The following ATP11A variants were observed in gnomAD, a reference collection of about 807,000 sequenced individuals.
The protein encoded by ATP11A is ATPase phospholipid transporting 11A, also known as phospholipid-transporting ATPase IH.
Under a neutral mutation model 154.4 loss-of-function variants are expected in ATP11A, and 81 were observed. The observed-to-expected ratio is 0.52, with a 90% CI of 0.44 to 0.63. The LOEUF is 0.63. Ranked by LOEUF, ATP11A falls within the 30% of genes least tolerant of loss-of-function variation. The pLI, the probability that ATP11A is intolerant of heterozygous loss-of-function variation, is 0.00. For missense variants in ATP11A, 1,316 were observed against 1,474.3 expected, an observed-to-expected ratio of 0.89 and a Z score of 1.76; for synonymous variants, 623 against 585.9, an observed-to-expected ratio of 1.06 and a Z score of -0.91.
Position 112,734,912 on chromosome 13 carries a change from G to A in ATP11A, c.39+44457G>A, listed in dbSNP as rs543215138. Among the ~76,000 whole-genome samples the A allele has an allele frequency of 4.1e-4, 62 of 152,298 alleles. 1 individual carries two copies. Among genetic ancestry groups the A allele is most frequent in the Admixed American group, 1.4e-3 (22 of 15,294 alleles). On this transcript the variant is annotated intron_variant, in intron 1 of 29. Coordinates refer to ENST00000375645, the MANE Select transcript of ATP11A (RefSeq NM_015205.3). ...TGTCAGCGGTAGGACCATGAATACC[G>A]ACTGGTGAGGGGGAGTGCCAGGAGA... is the stretch of plus-strand genomic sequence containing the variant.
rs2140459658 is a variant in ATP11A, at chr13:112,883,470, A to C, written c.*1604A>C. The C allele has an allele frequency of 2.8e-6, 1 of 351,018 alleles. No individual in the cohort carries two copies. Among genetic ancestry groups the C allele is most frequent in the Non-Finnish European group, 5.1e-6 (1 of 196,566 alleles). 21.7% of individuals were successfully genotyped at this position (351,018 alleles called of 1,614,324 possible). A position where few individuals can be genotyped will look rare whatever the true frequency, so the allele number is the denominator to read the frequency against. Reference sequence around the variant, plus strand: ...CCACGCTGTGGAACGGGGCTCCGGCAAGTGAAACCCAGAGGGTGTTTCCGA... The same window carrying C: ...CCACGCTGTGGAACGGGGCTCCGGCCAGTGAAACCCAGAGGGTGTTTCCGA... On this transcript the variant is annotated 3_prime_UTR_variant, in exon 30 of 30. Transcript: ENST00000375645.
intron 17 of ATP11A, among the ~76,000 whole-genome samples, chr13:112,849,433 C>T (rs746958205): frequency 1.2e-4 from 18 of 152,170 alleles, no homozygotes; most frequent in Admixed American, 1.0e-3. Context: ...TTAAAAGCAG[C>T]GACATATTTA....
At chr13:112,724,540 A>T (rs891045121) in intron 1 of ATP11A, among the ~76,000 whole-genome samples, 1 of 152,016 alleles carries the variant, frequency 6.6e-6, no homozygotes, top group Non-Finnish European at 1.5e-5. Flanking sequence ...TCGTGCATCC[A>T]GAGTTTCATC....
At chr13:112,880,737 T>C in intron 29 of ATP11A, 1 of 1,178,076 alleles carries the variant, frequency 8.5e-7, no homozygotes, top group South Asian at 1.6e-5. Context: ...GTGCTGTCTT[T>C]GATAACAAAG....
Position 112,753,165 on chromosome 13 carries a change from C to T in ATP11A, c.40-31970C>T, listed in dbSNP as rs557333839. Among the ~76,000 whole-genome samples, 9 of 152,252 alleles carry T rather than the reference C, an allele frequency of 5.9e-5. No individual in the cohort carries two copies. Among genetic ancestry groups the T allele is most frequent in the East Asian group, 3.9e-4 (2 of 5,188 alleles). On this transcript the variant is annotated intron_variant, in intron 1 of 29. Coordinates refer to ENST00000375645, the MANE Select transcript of ATP11A (RefSeq NM_015205.3). This position sits in a 1 kb window ranked among gnomAD's most constrained non-coding sequence, Gnocchi z 4.1. ...CTGTCCCTCCGTCCCTTTGTACCTG[C>T]GTGTTATGTGGATGGCGTGCATGTG...
chr13:112,712,465 G>A (rs967332634), intron 1 of ATP11A, among the ~76,000 whole-genome samples: 12 of 152,178 alleles, frequency 7.9e-5, no homozygotes, highest in Admixed American at 5.2e-4. Context: ...CCACAGTGTG[G>A]CTGATAGTGA....
chr13:112,755,514 G>C (rs998750950), intron 1 of ATP11A, among the ~76,000 whole-genome samples: 1 of 152,214 alleles, frequency 6.6e-6, no homozygotes, highest in African/African-American at 2.4e-5. Context: ...ATTGACACAA[G>C]AAGAGCCTCC....
rs1889656489 is a variant in ATP11A at position 112,724,946 on chromosome 13, A to G, written c.39+34491A>G. Among the ~76,000 whole-genome samples the G allele has an allele frequency of 2.6e-5, 4 of 152,166 alleles. No individual in the cohort carries two copies. The South Asian group carries it at 8.3e-4, about 32-fold the overall frequency. On this transcript the variant is annotated intron_variant, in intron 1 of 29. Transcript: ENST00000375645. ...CTCTGCTCCAGCCACCCCTGCGGCC[A>G]TGCCTGTGGTCCCCTGTGTGGGCTG... is the stretch of plus-strand genomic sequence containing the variant.
chr13:112,857,319 C>A (rs562329844), intron 20 of ATP11A, among the ~76,000 whole-genome samples: 1 of 152,068 alleles, frequency 6.6e-6, no homozygotes, highest in South Asian at 2.1e-4. Context: ...TGATTTTGCA[C>A]GTTACAAATT....
chr13:112,755,273 A>T (rs1313269721), intron 1 of ATP11A, among the ~76,000 whole-genome samples: 6 of 152,146 alleles, frequency 3.9e-5, no homozygotes, highest in Non-Finnish European at 1.5e-5. Flanking sequence ...CACAGGTCAG[A>T]GGTCGCTGGG....
intron 14 of ATP11A, among the ~76,000 whole-genome samples, chr13:112,834,136 T>C (rs2140259990): frequency 6.6e-6 from 1 of 152,376 alleles, no homozygotes; most frequent in East Asian, 1.9e-4. Context: ...GCTGAAGGCC[T>C]GCGCTGGACC....
At chr13:112,878,730 T>G (rs1332212234) in intron 29 of ATP11A, among the ~76,000 whole-genome samples, 2 of 152,108 alleles carry the variant, frequency 1.3e-5, no homozygotes, top group East Asian at 1.9e-4. Context: ...TCACAAGGCC[T>G]CCTCCCTCAC....
intron 1 of ATP11A, among the ~76,000 whole-genome samples, chr13:112,779,253 G>A (rs970170320): frequency 2.7e-5 from 4 of 145,990 alleles, no homozygotes; most frequent in African/African-American, 1.0e-4. Flanking sequence ...GTAGCCGCTG[G>A]AGTGAGGAGT....
At chr13:112,701,082 C>T (rs545064698) in intron 1 of ATP11A, among the ~76,000 whole-genome samples, 4 of 152,272 alleles carry the variant, frequency 2.6e-5, no homozygotes, top group African/African-American at 9.6e-5. Context: ...GAGTGGCCGG[C>T]GGCCACCTGA....
At position 112,860,722 on chromosome 13, in the gene ATP11A, C is replaced by T. The variant is rs561932880; in HGVS notation, c.2855+308C>T. ...TACAAGCGTCTTCCTCGTTGTGACC[C>T]TAGGGAATCTGTGGCCTAAGTTATC... On this transcript the variant is annotated intron_variant, in intron 24 of 29. Coordinates refer to ENST00000375645, the MANE Select transcript of ATP11A (RefSeq NM_015205.3). 3.0e-5 allele frequency: 7 copies of T among 232,482 alleles called. No homozygotes were observed. In the South Asian group the frequency reaches 9.0e-4, roughly 30 times the overall value. 14.4% of individuals were successfully genotyped at this position (232,482 alleles called of 1,614,324 possible). A position where few individuals can be genotyped will look rare whatever the true frequency, so the allele number is the denominator to read the frequency against.
At chr13:112,852,457 G>A (rs1033274734) in intron 18 of ATP11A, among the ~76,000 whole-genome samples, 4 of 152,362 alleles carry the variant, frequency 2.6e-5, no homozygotes, top group African/African-American at 9.6e-5. Context: ...TCAGTCCAGA[G>A]TAAGTGCACA....
rs377408159 is a variant in ATP11A at position 112,742,970 on chromosome 13, C to G, written c.40-42165C>G. ...AATTTCCTAGATGTCTGATACAGAA[C>G]TCACCCTGTGAATCTAGTTAGGTTT... On this transcript the variant is annotated intron_variant, in intron 1 of 29. Coordinates refer to ENST00000375645, the MANE Select transcript of ATP11A (RefSeq NM_015205.3). Among the ~76,000 whole-genome samples the G allele has an allele frequency of 8.9e-4, 135 of 152,308 alleles. 2 individuals carry two copies. In the South Asian group the frequency reaches 0.026, roughly 29 times the overall value.
intron 1 of ATP11A, among the ~76,000 whole-genome samples, chr13:112,761,685 G>A (rs1249341002): frequency 2.7e-5 from 4 of 149,808 alleles, no homozygotes; most frequent in African/African-American, 9.8e-5. Flanking sequence ...CGTGCACATA[G>A]GTTTGGGTAC....
chr13:112,876,453 A>C (rs1222365568), intron 28 of ATP11A, among the ~76,000 whole-genome samples: 1 of 151,960 alleles, frequency 6.6e-6, no homozygotes, highest in Non-Finnish European at 1.5e-5. Context: ...GTGAGGACTT[A>C]GCTCCCGGTC....
Sources: allele counts gnomAD v4.1 joint callset (sites outside exome capture counted in the v4.1 genomes callset), GRCh38; gene constraint gnomAD v4.1.1; non-coding constraint Gnocchi (gnomAD v3.1); transcripts MANE v1.5; gene names NCBI Gene and HGNC (gene_info 2026-07-23, HGNC 2026-07-21).